Variants in NBEA observed in about 807,000 individuals in gnomAD.
NBEA encodes lysosomal-trafficking regulator 2.
A neutral mutation model predicts 343.4 loss-of-function variants in NBEA; 44 were observed. The observed-to-expected ratio is 0.13, with a 90% CI of 0.10 to 0.16. The LOEUF (loss-of-function observed/expected upper bound fraction) is 0.16. Among genes scored for constraint, NBEA ranks in the 10% least tolerant of loss-of-function variants. The pLI, the probability that NBEA is intolerant of heterozygous loss-of-function variation, is 1.00. For missense variants in NBEA, 2,555 were observed against 3,631.3 expected (o/e 0.70, Z 7.62); for synonymous variants, 1,175 against 1,238.7 (o/e 0.95, Z 1.08).
chr13:35,334,234 C>T (rs1158490034), intron 36 of NBEA, among the ~76,000 whole-genome samples: 4 of 152,050 alleles, frequency 2.6e-5, no homozygotes, highest in Non-Finnish European at 5.9e-5. Context: ...AGATAAAAGC[C>T]ATTTTAACTG....
intron 48 of NBEA, among the ~76,000 whole-genome samples, chr13:35,616,180 C>T (rs1359492292): frequency 2.0e-5 from 3 of 152,134 alleles, no homozygotes; most frequent in Non-Finnish European, 2.9e-5. Context: ...ACTAACCATG[C>T]TTGGTGTCAC....
intron 38 of NBEA, among the ~76,000 whole-genome samples, chr13:35,415,805 A>G (rs1003988775): frequency 6.6e-6 from 1 of 152,094 alleles, no homozygotes; most frequent in African/African-American, 2.4e-5. Flanking sequence ...ATGGCATTGA[A>G]TCTATAAATT....
rs1251010125 is a variant in NBEA at position 34,942,921 on chromosome 13, G to C, written c.101G>C (p.Gly34Ala). ...GGCGGAGGCGGCGGGGGCAGCGGTGGTGGCGGCACCGGGGGCAGCGGGATG... is the reference window on the plus strand; with the variant it reads ...GGCGGAGGCGGCGGGGGCAGCGGTGCTGGCGGCACCGGGGGCAGCGGGATG... The part of the protein sequence containing the change: ...AAGGGGGGSG[G>A]GGTGGSGMGE... Residue 34 changes from glycine to alanine, a missense_variant, in exon 1 of 59, where the codon GGT (glycine) becomes GCT (alanine). By Grantham distance (60) the Gly-to-Ala change is moderately conservative. Coordinates refer to ENST00000379939, the MANE Select transcript of NBEA (RefSeq NM_001385012.1). The C allele has an allele frequency of 6.5e-7, 1 of 1,529,438 alleles. No homozygotes were observed. The highest frequency in any genetic ancestry group is 2.5e-5 in the East Asian group (1 of 39,962). The allele number at this position is 1,529,438 out of a possible 1,614,324, so 94.7% of individuals were successfully genotyped here. A position where few individuals can be genotyped will look rare whatever the true frequency, so the allele number is the denominator to read the frequency against.
intron 48 of NBEA, among the ~76,000 whole-genome samples, chr13:35,619,299 C>T (rs1402700499): frequency 1.3e-5 from 2 of 151,808 alleles, no homozygotes; most frequent in African/African-American, 4.8e-5. Flanking sequence ...GGGATGGCAC[C>T]AGGTTCTAGA....
chr13:35,355,622 AT>A (rs1594329299), intron 38 of NBEA, among the ~76,000 whole-genome samples: 1 of 152,042 alleles, frequency 6.6e-6, no homozygotes, highest in African/African-American at 2.4e-5. Flanking sequence ...ATAGTGACTT[AT>A]TAGGCCCTAC....
At chr13:35,134,974 A>G (rs1320520405) in intron 17 of NBEA, among the ~76,000 whole-genome samples, 1 of 152,054 alleles carries the variant, frequency 6.6e-6, no homozygotes, top group Non-Finnish European at 1.5e-5. Flanking sequence ...TCTTGGTAAT[A>G]TCATTTTCTA....
chr13:35,498,221 C>T lies in NBEA; in HGVS notation c.6585+25685C>T, dbSNP rs1442007094. Among the ~76,000 whole-genome samples, 126 of 151,968 alleles carry T rather than the reference C, an allele frequency of 8.3e-4. 2 individuals carry two copies. The highest frequency in any genetic ancestry group is 8.2e-3 in the Admixed American group (125 of 15,228). ...TAATGTCCATCTTGTAAAGAAAGTCCTCTCTGTGTTGAAAATCTCTCATTG... is the reference window on the plus strand; with the variant it reads ...TAATGTCCATCTTGTAAAGAAAGTCTTCTCTGTGTTGAAAATCTCTCATTG... On this transcript the variant is annotated intron_variant, in intron 41 of 58. Coordinates refer to ENST00000379939, the MANE Select transcript of NBEA (RefSeq NM_001385012.1).
chr13:35,440,927 C>T (rs1432988415), intron 39 of NBEA, among the ~76,000 whole-genome samples: 1 of 152,162 alleles, frequency 6.6e-6, no homozygotes, highest in Non-Finnish European at 1.5e-5. Flanking sequence ...AGCCTATCGT[C>T]TGTAAAGATA....
chr13:35,159,253 C>G lies in NBEA; in HGVS notation c.3082C>G (p.Leu1028Val). Residue 1028 changes from leucine to valine, a missense_variant, in exon 22 of 59, where the codon CTC becomes GTC. By Grantham distance (32) the Leu-to-Val change is conservative. Coordinates refer to ENST00000379939, the MANE Select transcript of NBEA (RefSeq NM_001385012.1). ...YPVSTDTRDL[L>V]MSTKVSDDIL... is the part of the protein sequence containing the mutation. The stretch of plus-strand genomic sequence containing the variant: ...TGTCAGCACAGATACTCGAGACTTA[C>G]TCATGTCAACAAAAGTGTCAGATGA... 2 of 1,613,572 alleles carry G rather than the reference C, an allele frequency of 1.2e-6. No homozygotes were observed. The highest frequency in any genetic ancestry group is 1.7e-6 in the Non-Finnish European group (2 of 1,179,682).
intron 10 of NBEA, among the ~76,000 whole-genome samples, chr13:35,087,148 GT>G (rs956408796): frequency 2.6e-5 from 4 of 151,416 alleles, no homozygotes; most frequent in Non-Finnish European, 1.5e-5. Flanking sequence ...AAGCTTTTTA[GT>G]TTTATATAGT....
At chr13:35,555,935 T>C (rs1374175276) in intron 44 of NBEA, among the ~76,000 whole-genome samples, 1 of 152,064 alleles carries the variant, frequency 6.6e-6, no homozygotes, top group East Asian at 1.9e-4. Context: ...GTAATATTAC[T>C]CTTTTTTAAT....
intron 1 of NBEA, among the ~76,000 whole-genome samples, chr13:34,949,244 G>T (rs1264619896): frequency 6.6e-6 from 1 of 152,152 alleles, no homozygotes; most frequent in East Asian, 1.9e-4. Flanking sequence ...TAAGCTGACG[G>T]TTAAGGGGAT....
At chr13:35,482,949 T>C (rs1405408047) in intron 41 of NBEA, among the ~76,000 whole-genome samples, 2 of 151,912 alleles carry the variant, frequency 1.3e-5, no homozygotes, top group Non-Finnish European at 2.9e-5. Flanking sequence ...CTGGCTGTTT[T>C]AGTTTTATAT....
chr13:35,125,216 A>T (rs1201121666), intron 17 of NBEA, among the ~76,000 whole-genome samples: 1 of 152,154 alleles, frequency 6.6e-6, no homozygotes, highest in Non-Finnish European at 1.5e-5. Flanking sequence ...TAGATGCAAA[A>T]TATGAACTCC....
intron 55 of NBEA, among the ~76,000 whole-genome samples, chr13:35,662,209 C>T (rs949882972): frequency 6.6e-6 from 1 of 152,150 alleles, no homozygotes; most frequent in African/African-American, 2.4e-5. Flanking sequence ...TTTTAATATT[C>T]GGAGTTTCCA....
chr13:35,128,506 T>C (rs576356828), intron 17 of NBEA, among the ~76,000 whole-genome samples: 2 of 152,278 alleles, frequency 1.3e-5, no homozygotes, highest in African/African-American at 4.8e-5. Context: ...TGGGTCGGTG[T>C]GTAGGAAGAT....
intron 24 of NBEA, among the ~76,000 whole-genome samples, chr13:35,168,714 TA>T (rs1377025165): frequency 1.3e-5 from 2 of 151,388 alleles, no homozygotes; most frequent in Non-Finnish European, 3.0e-5. Flanking sequence ...GCATTATTTC[TA>T]ATATATGAAC....
At chr13:35,008,894 G>T (rs2061399618) in intron 1 of NBEA, among the ~76,000 whole-genome samples, 1 of 152,070 alleles carries the variant, frequency 6.6e-6, no homozygotes, top group Non-Finnish European at 1.5e-5. Flanking sequence ...GTTTTCATGG[G>T]CATATTAAAA....
intron 38 of NBEA, among the ~76,000 whole-genome samples, chr13:35,385,819 C>T (rs763838394): frequency 6.6e-6 from 1 of 152,176 alleles, no homozygotes; most frequent in Non-Finnish European, 1.5e-5. Flanking sequence ...ACTGACTGAA[C>T]AGGGATTGGC....
Sources: gnomAD v4.1 joint callset for allele counts (sites outside exome capture counted in the v4.1 genomes callset) on GRCh38, gnomAD v4.1.1 for gene constraint, MANE v1.5 for transcripts, NCBI Gene and HGNC (gene_info 2026-07-23, HGNC 2026-07-21) for gene names.